Variants in NAA11 observed in about 807,000 individuals in gnomAD.
The protein encoded by NAA11 is N-alpha-acetyltransferase 11.
In NAA11, 15 loss-of-function variants were observed where a neutral mutation model predicts 16.1. The observed-to-expected ratio is 0.93, with a 90% CI of 0.62 to 1.44. The LOEUF is 1.44. Among genes scored for constraint, NAA11 ranks in the 40% most tolerant of loss-of-function variants. The probability of loss-of-function intolerance (pLI) is 0.00; values close to 1 mark genes in which losing one functional copy is unlikely to be tolerated. For missense variants in NAA11, 298 were observed against 291.3 expected (o/e 1.02, Z -0.17); for synonymous variants, 122 against 112.4 (o/e 1.09, Z -0.54).
chr4:79,304,766 A>C (rs11725714), intron 1 of NAA11, among the ~76,000 whole-genome samples: 1 of 151,734 alleles, frequency 6.6e-6, no homozygotes, highest in Admixed American at 6.6e-5. Context: ...AATCTAGGTA[A>C]TGACGGTGGG....
chr4:79,317,272 G>C lies in NAA11; in HGVS notation c.*532C>G, dbSNP rs943991950. The C allele has an allele frequency of 6.6e-6, 1 of 152,152 alleles. No individual in the cohort carries two copies. Among genetic ancestry groups the C allele is most frequent in the East Asian group, 1.9e-4 (1 of 5,192 alleles). The allele number at this position is 152,152 out of a possible 1,614,324, so 9.4% of individuals were successfully genotyped here. A position where few individuals can be genotyped will look rare whatever the true frequency, so the allele number is the denominator to read the frequency against. Reference sequence around the variant, plus strand: ...GAGGGGGGAATAGTATAAAGGAGGAGTTACCAGAGAAAGGAAAAGGAAACT... The same window carrying C: ...GAGGGGGGAATAGTATAAAGGAGGACTTACCAGAGAAAGGAAAAGGAAACT... On this transcript the variant is annotated 3_prime_UTR_variant, in exon 2 of 2. Coordinates refer to ENST00000286794, the MANE Select transcript of NAA11 (RefSeq NM_032693.3).
chr4:79,254,469 T>C (rs922955572), intron 2 of NAA11, among the ~76,000 whole-genome samples: 8 of 152,154 alleles, frequency 5.3e-5, no homozygotes, highest in Non-Finnish European at 1.2e-4. Context: ...TTGTATAACA[T>C]AGCAATTATT....
chr4:79,221,271 G>T (rs567131662), downstream of NAA11, among the ~76,000 whole-genome samples: 849 of 151,282 alleles, frequency 5.6e-3, 6 homozygotes, highest in African/African-American at 0.019. Flanking sequence ...AAGGAGATTT[G>T]GGGCTGAGAC....
the NAA11 span, among the ~76,000 whole-genome samples, chr4:79,175,893 A>G: frequency 6.6e-6 from 1 of 152,166 alleles, no homozygotes; most frequent in Non-Finnish European, 1.5e-5. Context: ...ACTACATCTA[A>G]GGCTAGTGCT....
At chr4:79,170,456 AT>A in the NAA11 span, among the ~76,000 whole-genome samples, 1 of 152,256 alleles carries the variant, frequency 6.6e-6, no homozygotes, top group East Asian at 1.9e-4. Flanking sequence ...GAAGAGCCAT[AT>A]TTTTGCTAAG....
At chr4:79,158,789 A>G in the NAA11 span, among the ~76,000 whole-genome samples, 1 of 151,350 alleles carries the variant, frequency 6.6e-6, no homozygotes, top group South Asian at 2.1e-4. Flanking sequence ...GGAACAGAAT[A>G]GAGAGCACAA....
At chr4:79,161,029 G>A in the NAA11 span, among the ~76,000 whole-genome samples, 19 of 152,162 alleles carry the variant, frequency 1.2e-4, no homozygotes, top group Non-Finnish European at 2.1e-4. Context: ...AAGATTACAA[G>A]GATTTAGGTT....
intron 2 of NAA11, among the ~76,000 whole-genome samples, chr4:79,242,514 G>C (rs1721721519): frequency 6.6e-6 from 1 of 152,218 alleles, no homozygotes; most frequent in Non-Finnish European, 1.5e-5. Context: ...CTGAACCCCA[G>C]ACTTAGAGAA....
intron 1 of NAA11, among the ~76,000 whole-genome samples, chr4:79,296,074 C>T (rs372600029): frequency 6.6e-6 from 1 of 152,216 alleles, no homozygotes; most frequent in South Asian, 2.1e-4. Context: ...TTTCACTAAA[C>T]CAAATTCTTC....
At chr4:79,219,717 T>C in the NAA11 span, among the ~76,000 whole-genome samples, 1 of 152,206 alleles carries the variant, frequency 6.6e-6, no homozygotes, top group Non-Finnish European at 1.5e-5. Flanking sequence ...TATATTACTT[T>C]GTATTTATAT....
the NAA11 span, among the ~76,000 whole-genome samples, chr4:79,167,230 T>A: frequency 8.1e-6 from 1 of 124,024 alleles, no homozygotes; most frequent in African/African-American, 3.2e-5. Flanking sequence ...CACATATATG[T>A]ATGTATACAC....
At chr4:79,163,516 T>A in the NAA11 span, among the ~76,000 whole-genome samples, 1 of 152,142 alleles carries the variant, frequency 6.6e-6, no homozygotes, top group African/African-American at 2.4e-5. Flanking sequence ...GGGTCATCAT[T>A]ACAAACATTA....
chr4:79,249,699 G>A (rs1444153007), intron 2 of NAA11, among the ~76,000 whole-genome samples: 4 of 152,154 alleles, frequency 2.6e-5, no homozygotes, highest in Non-Finnish European at 2.9e-5. Context: ...TCAGGATATC[G>A]CCATGAAAAT....
the NAA11 span, among the ~76,000 whole-genome samples, chr4:79,162,709 G>A: frequency 6.6e-6 from 1 of 152,098 alleles, no homozygotes; most frequent in Admixed American, 6.5e-5. Flanking sequence ...TATTAATCTG[G>A]CATGGCATGG....
At chr4:79,290,539 T>G (rs1723056557) in intron 2 of NAA11, among the ~76,000 whole-genome samples, 1 of 152,160 alleles carries the variant, frequency 6.6e-6, no homozygotes, top group South Asian at 2.1e-4. Context: ...CTTGATTGTC[T>G]CGGTTTCTTC....
intron 2 of NAA11, among the ~76,000 whole-genome samples, chr4:79,249,764 C>T (rs1223331526): frequency 6.6e-6 from 1 of 152,162 alleles, no homozygotes; most frequent in Non-Finnish European, 1.5e-5. Context: ...ACAGAGAACC[C>T]TTACAAAATA....
downstream of NAA11, among the ~76,000 whole-genome samples, chr4:79,312,939 T>C (rs966118318): frequency 6.6e-6 from 1 of 152,352 alleles, no homozygotes; most frequent in African/African-American, 2.4e-5. Context: ...GCTTAGGTCA[T>C]AGAGAGTAAA....
chr4:79,168,406 A>T, the NAA11 span, among the ~76,000 whole-genome samples: 2 of 152,196 alleles, frequency 1.3e-5, no homozygotes, highest in South Asian at 4.1e-4. Flanking sequence ...TTGCCAGGTC[A>T]AATGGTATTT....
At chr4:79,218,770 C>T in the NAA11 span, among the ~76,000 whole-genome samples, 1 of 152,082 alleles carries the variant, frequency 6.6e-6, no homozygotes, top group East Asian at 1.9e-4. Flanking sequence ...TTTCAAATTA[C>T]TTTGGAAAGA....
Sources: allele counts gnomAD v4.1 joint callset (sites outside exome capture counted in the v4.1 genomes callset), GRCh38; gene constraint gnomAD v4.1.1; transcripts MANE v1.5; gene names NCBI Gene and HGNC (gene_info 2026-07-23, HGNC 2026-07-21).